KIF5A: variants seen among roughly 807,000 people sequenced by gnomAD.
The protein encoded by KIF5A is kinesin family member 5A.
A neutral mutation model predicts 141.3 loss-of-function variants in KIF5A; 35 were observed. The ratio of observed to expected loss-of-function variants is 0.25; its 90% confidence interval spans 0.19 to 0.33. The LOEUF (loss-of-function observed/expected upper bound fraction) is 0.33. Among genes scored for constraint, KIF5A ranks in the 10% least tolerant of loss-of-function variants. The probability of loss-of-function intolerance (pLI) is 1.00; values close to 1 mark genes in which losing one functional copy is unlikely to be tolerated. For missense variants in KIF5A, 861 were observed against 1,314.3 expected, an observed-to-expected ratio of 0.66 and a Z score of 5.33; for synonymous variants, 448 against 500.2, an observed-to-expected ratio of 0.90 and a Z score of 1.39.
intron 6 of KIF5A, 37 bp from the exon 7 acceptor site, chr12:57,567,089 C>A: frequency 7.8e-7 from 1 of 1,285,130 alleles, no homozygotes; most frequent in Non-Finnish European, 1.1e-6. Flanking sequence ...ACTTAAAAAA[C>A]AAAGCTTATG....
In KIF5A at chr12:57,576,720, A is replaced by G. The variant is rs764503193; in HGVS notation, c.2199-41A>G. 14 of 1,448,122 alleles carry G rather than the reference A, an allele frequency of 9.7e-6. No homozygotes were observed. In the East Asian group the frequency reaches 2.0e-4, roughly 21 times the overall value. 89.7% of individuals were successfully genotyped at this position (1,448,122 alleles called of 1,614,324 possible). ...TGGCCTTCCCTTCCCCCTCATTAACATCTTTCTCCCCCATCTCCATTACCT... is the reference window on the plus strand; with the variant it reads ...TGGCCTTCCCTTCCCCCTCATTAACGTCTTTCTCCCCCATCTCCATTACCT... On this transcript the variant is annotated intron_variant, in intron 19 of 28. Transcript: ENST00000455537.
chr12:57,550,278 G>C lies in KIF5A; in HGVS notation c.7G>C (p.Glu3Gln), dbSNP rs1244142117. 1 of 1,614,020 alleles carries C rather than the reference G, an allele frequency of 6.2e-7. No homozygotes were observed. The highest frequency in any genetic ancestry group is 8.5e-7 in the Non-Finnish European group (1 of 1,180,022). Residue 3 changes from glutamate to glutamine, a missense_variant, in exon 1 of 29, where the codon GAG (glutamate) becomes CAG (glutamine). This residue lies in a region of KIF5A where 59 missense variants were observed against 81.1 expected (regional missense o/e 0.73). Transcript: ENST00000455537. This position sits in a 1 kb window ranked among gnomAD's most constrained non-coding sequence, Gnocchi z 4.6. The stretch of plus-strand genomic sequence containing the variant: ...CCCCACGCCGGCTACCACCATGGCG[G>C]AGACCAACAACGAATGTAGCATCAA... MA[E>Q]TNNECSIKVL...
intron 22 of KIF5A, 55 bp from the exon 23 acceptor site, chr12:57,578,183 G>T: frequency 6.3e-7 from 1 of 1,583,028 alleles, no homozygotes; most frequent in Non-Finnish European, 8.7e-7. Context: ...GCCTGGTCTT[G>T]GTGGGACCTG....
In KIF5A at chr12:57,575,362, A is replaced by G. The variant is rs1882389425; in HGVS notation, c.1905+90A>G. On this transcript the variant is annotated intron_variant, in intron 16 of 28. Coordinates refer to ENST00000455537, the MANE Select transcript of KIF5A (RefSeq NM_004984.4). Reference sequence around the variant, plus strand: ...GCTAAAACTCCTAACACCCACCTTTATGTCAAAGTTCTGGGGTCAAGTGAA... The same window carrying G: ...GCTAAAACTCCTAACACCCACCTTTGTGTCAAAGTTCTGGGGTCAAGTGAA... The G allele has an allele frequency of 6.6e-6, 9 of 1,364,034 alleles. No individual in the cohort carries two copies. The African/African-American group carries it at 7.2e-5, about 11-fold the overall frequency. The allele number at this position is 1,364,034 out of a possible 1,614,324, so 84.5% of individuals were successfully genotyped here. A position where few individuals can be genotyped will look rare whatever the true frequency, so the allele number is the denominator to read the frequency against.
Position 57,582,645 on chromosome 12 carries a change from C to T in KIF5A, c.3020+16C>T. On this transcript the variant is annotated intron_variant, in intron 27 of 28. Coordinates refer to ENST00000455537, the MANE Select transcript of KIF5A (RefSeq NM_004984.4). ...ATGACAATAGGTACAACAGTCCCCA[C>T]TACCCCTGGGTTCTCTGGGTGGGAC... 1 of 1,602,776 alleles carries T rather than the reference C, an allele frequency of 6.2e-7. No individual in the cohort carries two copies. Among genetic ancestry groups the T allele is most frequent in the Non-Finnish European group, 8.5e-7 (1 of 1,169,668 alleles).
In KIF5A at chr12:57,550,460, C is replaced by T. The variant is rs1220511234; in HGVS notation, c.129+60C>T. 3.2e-6 allele frequency: 5 copies of T among 1,582,434 alleles called. No individual in the cohort carries two copies. The highest frequency in any genetic ancestry group is 4.3e-6 in the Non-Finnish European group (5 of 1,153,588). ...GCAGGTGGCTGAATCTCCCCGCCCC[C>T]CGCAGAGCCTTAGTCTCTGCTGGTC... On this transcript the variant is annotated intron_variant, in intron 1 of 28. Transcript: ENST00000455537. The surrounding 1 kb of genome is among the most constrained non-coding windows in gnomAD (Gnocchi z 4.6).
rs983847749 is a variant in KIF5A, at chr12:57,550,832, G to A, written c.129+432G>A. ...TTTGGGTGGATTAGATGGGAGGTGA[G>A]CAGTCCAGGGTCTCTGCAGAGTGTG... On this transcript the variant is annotated intron_variant, in intron 1 of 28. Transcript: ENST00000455537. This position sits in a 1 kb window ranked among gnomAD's most constrained non-coding sequence, Gnocchi z 4.6. Among the ~76,000 whole-genome samples the A allele has an allele frequency of 6.6e-6, 1 of 152,178 alleles. No individual in the cohort carries two copies. Among genetic ancestry groups the A allele is most frequent in the Non-Finnish European group, 1.5e-5 (1 of 68,040 alleles).
At chr12:57,556,306 T>G (rs1027727231) in intron 1 of KIF5A, among the ~76,000 whole-genome samples, 3 of 151,926 alleles carry the variant, frequency 2.0e-5, no homozygotes, top group African/African-American at 7.3e-5. Context: ...GCCCGGCTAA[T>G]TTTTTGTATT....
Position 57,576,923 on chromosome 12 carries a change from G to T in KIF5A, c.2300+61G>T, listed in dbSNP as rs753198857. On this transcript the variant is annotated intron_variant, in intron 20 of 28. Coordinates refer to ENST00000455537, the MANE Select transcript of KIF5A (RefSeq NM_004984.4). ...TTGTAGGCTCAGAACTGTGAACTCA[G>T]ACACGCTTGCAGAGGCAGGACACAC... 1.3e-4 allele frequency: 164 copies of T among 1,255,842 alleles called. 1 individual carries two copies. Among genetic ancestry groups the T allele is most frequent in the Non-Finnish European group, 1.6e-4 (134 of 862,888 alleles). The allele number at this position is 1,255,842 out of a possible 1,614,324, so 77.8% of individuals were successfully genotyped here.
intron 1 of KIF5A, among the ~76,000 whole-genome samples, chr12:57,552,209 G>A (rs1461877008): frequency 2.0e-5 from 3 of 152,166 alleles, no homozygotes; most frequent in African/African-American, 7.2e-5. Flanking sequence ...GGTTTTTCCA[G>A]TAAGACTGAA....
intron 1 of KIF5A, among the ~76,000 whole-genome samples, chr12:57,554,201 A>C (rs1490504428): frequency 6.6e-6 from 1 of 152,166 alleles, no homozygotes; most frequent in Non-Finnish European, 1.5e-5. Context: ...AGATTGCTTG[A>C]ATTTGAAACT....
chr12:57,583,002 G>A (rs778392656), intron 27 of KIF5A, 99 bp from the exon 28 acceptor site: 59 of 977,570 alleles, frequency 6.0e-5, no homozygotes, highest in Middle Eastern at 2.0e-4. Flanking sequence ...AGTCCCTGCC[G>A]TTTGTGATCT....
At chr12:57,574,760 A>G (rs1487562217) in intron 15 of KIF5A, among the ~76,000 whole-genome samples, 3 of 150,062 alleles carry the variant, frequency 2.0e-5, no homozygotes, top group Non-Finnish European at 3.0e-5. Flanking sequence ...TTGTATTTTT[A>G]GTAGAGACAG....
chr12:57,573,089 A>ACT (rs747621215), intron 15 of KIF5A, among the ~76,000 whole-genome samples: 1 of 152,130 alleles, frequency 6.6e-6, no homozygotes, highest in Non-Finnish European at 1.5e-5. Context: ...TACTCAGGAG[A>ACT]CTGAGGCAGG....
At chr12:57,582,876 A>G (rs1275241059) in intron 27 of KIF5A, 6 of 638,334 alleles carry the variant, frequency 9.4e-6, no homozygotes, top group Admixed American at 7.5e-5. Flanking sequence ...GGACGAAAAC[A>G]ACGTGGGCAT....
At chr12:57,564,310 C>T (rs574733493) in intron 4 of KIF5A, 98 bp downstream of exon 4, 2 of 1,106,070 alleles carry the variant, frequency 1.8e-6, no homozygotes, top group Non-Finnish European at 2.8e-6. Flanking sequence ...ACTTGACTCC[C>T]TTTCCGGTTA....
chr12:57,564,217 C>T lies in KIF5A; in HGVS notation c.396+5C>T, dbSNP rs1351826369. The T allele has an allele frequency of 5.7e-6, 9 of 1,582,482 alleles. No homozygotes were observed. Among genetic ancestry groups the T allele is most frequent in the South Asian group, 2.2e-5 (2 of 90,430 alleles). ...AACCTTGAGTTCCACATCAAGGTGACCAGGGCACGACAGCTGGGCATTCAG... is the reference window on the plus strand; with the variant it reads ...AACCTTGAGTTCCACATCAAGGTGATCAGGGCACGACAGCTGGGCATTCAG... On this transcript the variant is annotated splice_donor_5th_base_variant and intron_variant, in intron 4 of 28. Coordinates refer to ENST00000455537, the MANE Select transcript of KIF5A (RefSeq NM_004984.4).
chr12:57,576,730 C>G, intron 19 of KIF5A, 31 bp from the exon 20 acceptor site: 1 of 1,502,476 alleles, frequency 6.7e-7, no homozygotes, highest in Non-Finnish European at 9.3e-7. Flanking sequence ...ATCTTTCTCC[C>G]CCATCTCCAT....
chr12:57,554,374 G>C (rs1328795632), intron 1 of KIF5A, among the ~76,000 whole-genome samples: 1 of 152,146 alleles, frequency 6.6e-6, no homozygotes, highest in Non-Finnish European at 1.5e-5. Context: ...AACATGGCAG[G>C]CACACAGTAA....
Sources: gnomAD v4.1 joint callset for allele counts (sites outside exome capture counted in the v4.1 genomes callset) on GRCh38, gnomAD v4.1.1 for gene constraint, gnomAD v4.1.1 regional missense constraint, Gnocchi (gnomAD v3.1) non-coding constraint, MANE v1.5 for transcripts, NCBI Gene and HGNC (gene_info 2026-07-23, HGNC 2026-07-21) for gene names.